The following GATAD2B variants were observed in gnomAD, a reference collection of about 807,000 sequenced individuals.
The protein encoded by GATAD2B is transcriptional repressor p66-beta.
In GATAD2B, 8 loss-of-function variants were observed where a neutral mutation model predicts 64.3. That is an observed-to-expected ratio of 0.12 (90% CI 0.07 to 0.22). The LOEUF (loss-of-function observed/expected upper bound fraction) is 0.22. Among genes scored for constraint, GATAD2B ranks in the 10% least tolerant of loss-of-function variants. The pLI, the probability that GATAD2B is intolerant of heterozygous loss-of-function variation, is 1.00. For missense variants in GATAD2B, 453 were observed against 752.0 expected, an observed-to-expected ratio of 0.60 and a Z score of 4.65; for synonymous variants, 281 against 271.3, an observed-to-expected ratio of 1.04 and a Z score of -0.35.
chr1:153,894,434 C>G (rs534191850), intron 1 of GATAD2B, among the ~76,000 whole-genome samples: 25 of 152,086 alleles, frequency 1.6e-4, no homozygotes, highest in Non-Finnish European at 3.1e-4. Context: ...TGCCGCCGCA[C>G]TCCAGCATGG....
rs542015266 is a variant in GATAD2B, at chr1:153,884,757, TTTTA to T, written c.-2+37972_-2+37975del. On this transcript the variant is annotated intron_variant, in intron 1 of 10. Coordinates refer to ENST00000368655, the MANE Select transcript of GATAD2B (RefSeq NM_020699.4). ...AGGTAGGATCTTTTCTCCATTTTCT[TTTTA>T]TTTATTTCTTTTTTTCGAGACAGTC... Among the ~76,000 whole-genome samples the T allele has an allele frequency of 2.3e-3, 353 of 152,198 alleles. 1 individual carries two copies. The highest frequency in any genetic ancestry group is 8.2e-3 in the African/African-American group (342 of 41,536).
chr1:153,839,619 T>C (rs904383651), intron 1 of GATAD2B, among the ~76,000 whole-genome samples: 1 of 152,202 alleles, frequency 6.6e-6, no homozygotes, highest in Non-Finnish European at 1.5e-5. Context: ...GTTATCAGTA[T>C]TTATAATGAA....
At chr1:153,896,490 G>A (rs11591134) in intron 1 of GATAD2B, among the ~76,000 whole-genome samples, 39,881 of 146,944 alleles carry the variant, frequency 0.27, 5,906 homozygotes, top group Admixed American at 0.39. Flanking sequence ...AGGCTGGAGT[G>A]CAATGGCATG....
chr1:153,904,154 T>A (rs1033362472), intron 1 of GATAD2B, among the ~76,000 whole-genome samples: 1 of 151,828 alleles, frequency 6.6e-6, no homozygotes, highest in Admixed American at 6.6e-5. Context: ...GTGGCAGGCA[T>A]CTGTAATCCC....
chr1:153,903,568 G>C (rs1032160499), intron 1 of GATAD2B, among the ~76,000 whole-genome samples: 1 of 152,034 alleles, frequency 6.6e-6, no homozygotes, highest in Admixed American at 6.6e-5. Flanking sequence ...AAATAATAGC[G>C]ATGAAAATCA....
Position 153,870,841 on chromosome 1 carries a change from T to C in GATAD2B, c.-1-42493A>G, listed in dbSNP as rs1226089488. On this transcript the variant is annotated intron_variant, in intron 1 of 10. Transcript: ENST00000368655. ...CACTTCTGGTTTCAGGCATTTTAGA[T>C]AAGGGATACTCAAACCTGTGTATAT... Among the ~76,000 whole-genome samples the C allele has an allele frequency of 3.3e-5, 5 of 152,226 alleles. No individual in the cohort carries two copies. In the East Asian group the frequency reaches 7.7e-4, roughly 23 times the overall value.
chr1:153,873,202 G>C (rs1359967561), intron 1 of GATAD2B, among the ~76,000 whole-genome samples: 1 of 152,080 alleles, frequency 6.6e-6, no homozygotes, highest in Non-Finnish European at 1.5e-5. Context: ...GGATTCCACA[G>C]ACTACACTTT....
chr1:153,903,932 C>T (rs983384862), intron 1 of GATAD2B, among the ~76,000 whole-genome samples: 3 of 152,020 alleles, frequency 2.0e-5, no homozygotes, highest in African/African-American at 7.2e-5. Flanking sequence ...TGCAGTGAGC[C>T]GTGACTGCAC....
At chr1:153,908,233 C>G (rs965855820) in intron 1 of GATAD2B, among the ~76,000 whole-genome samples, 6 of 152,166 alleles carry the variant, frequency 3.9e-5, no homozygotes, top group Non-Finnish European at 8.8e-5. Flanking sequence ...ATGGCTCATG[C>G]CTGTAATCTC....
chr1:153,811,605 T>G, intron 10 of GATAD2B, 126 bp downstream of exon 10: 1 of 725,852 alleles, frequency 1.4e-6, no homozygotes, highest in Non-Finnish European at 2.4e-6. Context: ...AACAGAAGAG[T>G]GAGAGTGTAT....
intron 1 of GATAD2B, among the ~76,000 whole-genome samples, chr1:153,863,946 T>C (rs1676394189): frequency 6.6e-6 from 1 of 152,186 alleles, no homozygotes; most frequent in Non-Finnish European, 1.5e-5. Flanking sequence ...TTTTTCTTCA[T>C]GCAAAGTAGA....
chr1:153,842,954 CTTTTTTTTTT>C (rs11424016), intron 1 of GATAD2B, among the ~76,000 whole-genome samples: 1 of 117,484 alleles, frequency 8.5e-6, no homozygotes, highest in Non-Finnish European at 1.7e-5. Flanking sequence ...CTCGCCCAGC[CTTTTTTTTTT>C]TTTTTTTTGA....
rs536511399 is a variant in GATAD2B at position 153,849,833 on chromosome 1, T to C, written c.-1-21485A>G. ...TTTTAGCAGAGGTTAGGTCTCACCA[T>C]GTTGGCCAGGCTGGTCTTGAACTCC... On this transcript the variant is annotated intron_variant, in intron 1 of 10. Transcript: ENST00000368655. Among the ~76,000 whole-genome samples the C allele has an allele frequency of 2.0e-5, 3 of 152,292 alleles. No homozygotes were observed. The South Asian group carries it at 6.2e-4, about 32-fold the overall frequency.
At chr1:153,905,209 A>G (rs1677888470) in intron 1 of GATAD2B, among the ~76,000 whole-genome samples, 1 of 152,078 alleles carries the variant, frequency 6.6e-6, no homozygotes, top group African/African-American at 2.4e-5. Context: ...CTCCGTCTCT[A>G]ATAAAAATAC....
intron 1 of GATAD2B, among the ~76,000 whole-genome samples, chr1:153,887,290 T>C (rs2101945481): frequency 6.6e-6 from 1 of 152,254 alleles, no homozygotes; most frequent in Non-Finnish European, 1.5e-5. Flanking sequence ...GATACACAAA[T>C]TGGGAATCAC....
intron 1 of GATAD2B, among the ~76,000 whole-genome samples, chr1:153,896,747 A>G (rs1372695385): frequency 6.6e-6 from 1 of 151,866 alleles, no homozygotes. Context: ...TGAACAAGAA[A>G]ATTTTCAAGG....
At chr1:153,836,912 G>A (rs915234958) in intron 1 of GATAD2B, among the ~76,000 whole-genome samples, 3 of 152,126 alleles carry the variant, frequency 2.0e-5, no homozygotes, top group African/African-American at 7.2e-5. Flanking sequence ...ATTCAAGAAA[G>A]AAACTGACCC....
At chr1:153,893,790 T>C (rs1009073608) in intron 1 of GATAD2B, among the ~76,000 whole-genome samples, 3 of 150,884 alleles carry the variant, frequency 2.0e-5, no homozygotes, top group Non-Finnish European at 4.4e-5. Context: ...AAATCCCATC[T>C]CTACTGAAAA....
chr1:153,818,137 T>G lies in GATAD2B; in HGVS notation c.632A>C (p.Gln211Pro), dbSNP rs773246932. 1 of 1,612,926 alleles carries G rather than the reference T, an allele frequency of 6.2e-7. No homozygotes were observed. Among genetic ancestry groups the G allele is most frequent in the African/African-American group, 1.3e-5 (1 of 74,944 alleles). ...PVVQNAASIVQPSPAHVGQQG... is the reference protein window; with the variant it reads ...PVVQNAASIVPPSPAHVGQQG... Reference sequence around the variant, plus strand: ...CTGTCCCACATGGGCAGGAGATGGCTGAACAATAGATGCTGCATTCTGTAC... The same window carrying G: ...CTGTCCCACATGGGCAGGAGATGGCGGAACAATAGATGCTGCATTCTGTAC... The change falls in exon 5 of 11, where the codon CAG (glutamine) becomes CCG (proline). Residue 211 changes from glutamine to proline, a missense_variant. Physicochemically the swap from Gln to Pro is moderately conservative, Grantham distance 76. This residue lies in a region of GATAD2B where 293 missense variants were observed against 417.2 expected (regional missense o/e 0.70). Coordinates refer to ENST00000368655, the MANE Select transcript of GATAD2B (RefSeq NM_020699.4).
Sources: gnomAD v4.1 joint callset for allele counts (sites outside exome capture counted in the v4.1 genomes callset) on GRCh38, gnomAD v4.1.1 for gene constraint, gnomAD v4.1.1 regional missense constraint, MANE v1.5 for transcripts, NCBI Gene and HGNC (gene_info 2026-07-23, HGNC 2026-07-21) for gene names.